MFHAS1: variants seen among roughly 807,000 people sequenced by gnomAD.
MFHAS1 encodes malignant fibrous histiocytoma-amplified sequence 1.
Under a neutral mutation model 70.4 loss-of-function variants are expected in MFHAS1, and 50 were observed. That is an observed-to-expected ratio of 0.71 (90% CI 0.57 to 0.90). The LOEUF is 0.90. Ranked by LOEUF, MFHAS1 falls within the 40% of genes least tolerant of loss-of-function variation. The probability of loss-of-function intolerance (pLI) is 0.00; values close to 1 mark genes in which losing one functional copy is unlikely to be tolerated. For missense variants in MFHAS1, 1,795 were observed against 1,347.6 expected, an observed-to-expected ratio of 1.33 and a Z score of -5.20; for synonymous variants, 952 against 620.0, an observed-to-expected ratio of 1.54 and a Z score of -7.96.
rs1159682356 is a variant in MFHAS1, at chr8:8,786,025, C to G, written c.3156G>C (p.Gln1052His). 3 of 1,614,156 alleles carry G rather than the reference C, an allele frequency of 1.9e-6. No individual in the cohort carries two copies. Among genetic ancestry groups the G allele is most frequent in the Admixed American group, 3.3e-5 (2 of 60,022 alleles). The change falls in exon 3 of 3, where the codon CAG (glutamine) becomes CAC (histidine). Residue 1052 changes from glutamine to histidine, a missense_variant. Gln to His is a conservative substitution (Grantham distance 24, BLOSUM62 0). Transcript: ENST00000276282. ...KKNVGEKHRNQ is the reference protein window; with the variant it reads ...KKNVGEKHRNH ...GGAAATTCCACAGCCACAAACGTCA[C>G]TGGTTTCTGTGCTTTTCACCAACAT...
rs2117232656 is a variant in MFHAS1 at position 8,783,382 on chromosome 8, T to C, written c.*2640A>G. On this transcript the variant is annotated 3_prime_UTR_variant, in exon 3 of 3. Coordinates refer to ENST00000276282, the MANE Select transcript of MFHAS1 (RefSeq NM_004225.3). Reference sequence around the variant, plus strand: ...AACCATTTCTTTGTATTTTTATTGATTTTTCTTTTTTAATTTCTGCCCAGT... The same window carrying C: ...AACCATTTCTTTGTATTTTTATTGACTTTTCTTTTTTAATTTCTGCCCAGT... 1 of 152,352 alleles carries C rather than the reference T, an allele frequency of 6.6e-6. No individual in the cohort carries two copies. Among genetic ancestry groups the C allele is most frequent in the East Asian group, 1.9e-4 (1 of 5,188 alleles). The allele number at this position is 152,352 out of a possible 1,614,324, so 9.4% of individuals were successfully genotyped here.
chr8:8,833,036 A>G (rs574199711), intron 1 of MFHAS1, among the ~76,000 whole-genome samples: 1 of 152,270 alleles, frequency 6.6e-6, no homozygotes, highest in Admixed American at 6.5e-5. Context: ...CTCATCACAG[A>G]GGGCAACGGG....
At chr8:8,833,220 C>T (rs1438379475) in intron 1 of MFHAS1, among the ~76,000 whole-genome samples, 1 of 152,176 alleles carries the variant, frequency 6.6e-6, no homozygotes, top group Admixed American at 6.5e-5. Flanking sequence ...CCACCAGGCC[C>T]CACCTTCAGC....
chr8:8,891,122 G>A lies in MFHAS1; in HGVS notation c.1937C>T (p.Ala646Val), dbSNP rs1585077643. ...GTTGGGGAAGATCTCTCGGTGCTCA[G>A]CAACTGACAGCAACTTGTCCCGAAG... Reference protein sequence around the residue: ...RRLRDKLLSVAEHREIFPNLH... With the variant: ...RRLRDKLLSVVEHREIFPNLH... The change falls in exon 1 of 3, where the codon GCT becomes GTT. Residue 646 changes from alanine (A) to valine (V), a missense_variant. Physicochemically the swap from Ala to Val is moderately conservative, Grantham distance 64. Coordinates refer to ENST00000276282, the MANE Select transcript of MFHAS1 (RefSeq NM_004225.3). This position sits in a 1 kb window ranked among gnomAD's most constrained non-coding sequence, Gnocchi z 5.4. 6.2e-7 allele frequency: 1 copy of A among 1,613,712 alleles called. No individual in the cohort carries two copies. The highest frequency in any genetic ancestry group is 1.7e-5 in the Admixed American group (1 of 60,008).
intron 1 of MFHAS1, among the ~76,000 whole-genome samples, chr8:8,850,495 A>C (rs1808202601): frequency 6.6e-6 from 1 of 152,210 alleles, no homozygotes; most frequent in African/African-American, 2.4e-5. Context: ...AGGAGATAGA[A>C]CCAGAGCCTC....
intron 1 of MFHAS1, among the ~76,000 whole-genome samples, chr8:8,854,822 C>A (rs1199628777): frequency 2.0e-5 from 3 of 152,192 alleles, no homozygotes; most frequent in African/African-American, 7.2e-5. Context: ...ATGAGACCCA[C>A]CCATAAGCAA....
At chr8:8,866,918 T>C (rs997005449) in intron 1 of MFHAS1, among the ~76,000 whole-genome samples, 5 of 152,154 alleles carry the variant, frequency 3.3e-5, no homozygotes, top group Non-Finnish European at 7.3e-5. Context: ...CTTTAGAGAA[T>C]GGGGAAATAC....
At chr8:8,830,543 T>C (rs1807347210) in intron 1 of MFHAS1, among the ~76,000 whole-genome samples, 1 of 152,186 alleles carries the variant, frequency 6.6e-6, no homozygotes, top group South Asian at 2.1e-4. Context: ...TTTCTAATTT[T>C]ACAGGAAAGG....
chr8:8,861,650 T>C lies in MFHAS1; in HGVS notation c.2998+28411A>G, dbSNP rs539453556. 9.8e-5 allele frequency among the ~76,000 whole-genome samples: 15 copies of C among 152,348 alleles called. 1 individual carries two copies. In the South Asian group the frequency reaches 2.9e-3, roughly 29 times the overall value. On this transcript the variant is annotated intron_variant, in intron 1 of 2. Coordinates refer to ENST00000276282, the MANE Select transcript of MFHAS1 (RefSeq NM_004225.3). ...AGAACTTGATGCATTTTGACAGATATAGTCTCGTAACCTCCACTACAGTCA... is the reference window on the plus strand; with the variant it reads ...AGAACTTGATGCATTTTGACAGATACAGTCTCGTAACCTCCACTACAGTCA...
intron 1 of MFHAS1, among the ~76,000 whole-genome samples, chr8:8,843,173 G>A (rs1045161652): frequency 2.6e-5 from 4 of 151,908 alleles, no homozygotes; most frequent in Non-Finnish European, 5.9e-5. Flanking sequence ...GGAGGCTGAG[G>A]CAGGAGAATG....
At chr8:8,841,348 G>A (rs1390632632) in intron 1 of MFHAS1, among the ~76,000 whole-genome samples, 5 of 152,054 alleles carry the variant, frequency 3.3e-5, no homozygotes, top group Non-Finnish European at 5.9e-5. Flanking sequence ...GGTGGCGCAC[G>A]CCTGTAATCC....
rs1333365250 is a variant in MFHAS1, at chr8:8,783,816, G to C, written c.*2206C>G. Reference sequence around the variant, plus strand: ...AATTTCTTGCATAGACAGCTGAAGAGTCCTGTAGAGCAGAGTGATTTTTGT... The same window carrying C: ...AATTTCTTGCATAGACAGCTGAAGACTCCTGTAGAGCAGAGTGATTTTTGT... On this transcript the variant is annotated 3_prime_UTR_variant, in exon 3 of 3. Coordinates refer to ENST00000276282, the MANE Select transcript of MFHAS1 (RefSeq NM_004225.3). The C allele has an allele frequency of 6.6e-6, 1 of 152,150 alleles. No homozygotes were observed. Among genetic ancestry groups the C allele is most frequent in the South Asian group, 2.1e-4 (1 of 4,818 alleles). 9.4% of individuals were successfully genotyped at this position (152,150 alleles called of 1,614,324 possible). A position where few individuals can be genotyped will look rare whatever the true frequency, so the allele number is the denominator to read the frequency against.
intron 1 of MFHAS1, among the ~76,000 whole-genome samples, chr8:8,831,743 G>C (rs1462669179): frequency 6.6e-6 from 1 of 151,930 alleles, no homozygotes; most frequent in Non-Finnish European, 1.5e-5. Flanking sequence ...TGAGTAGCTG[G>C]GATTACAGGC....
intron 2 of MFHAS1, among the ~76,000 whole-genome samples, chr8:8,797,002 C>A (rs559936598): frequency 1.1e-3 from 171 of 152,096 alleles, no homozygotes; most frequent in South Asian, 3.9e-3. Context: ...TCTCAAAAAA[C>A]AACAACAAAA....
At chr8:8,838,417 A>T (rs931232680) in intron 1 of MFHAS1, among the ~76,000 whole-genome samples, 1 of 152,200 alleles carries the variant, frequency 6.6e-6, no homozygotes, top group South Asian at 2.1e-4. Context: ...CATTAAAAAA[A>T]TTTTACGCTA....
At chr8:8,807,276 C>G (rs891914877) in intron 1 of MFHAS1, among the ~76,000 whole-genome samples, 1 of 152,074 alleles carries the variant, frequency 6.6e-6, no homozygotes, top group African/African-American at 2.4e-5. Flanking sequence ...AGAAAAAAAG[C>G]CTGACGAATG....
At position 8,869,215 on chromosome 8, in the gene MFHAS1, AG is replaced by A. The variant is rs1808975819; in HGVS notation, c.2998+20845del. On this transcript the variant is annotated intron_variant, in intron 1 of 2. Coordinates refer to ENST00000276282, the MANE Select transcript of MFHAS1 (RefSeq NM_004225.3). Reference sequence around the variant, plus strand: ...AATGAAAAATCAAAGCACAAACAAAAGCAATGCACAGAACAGGATAGCAAAA... The same window carrying A: ...AATGAAAAATCAAAGCACAAACAAAACAATGCACAGAACAGGATAGCAAAA... Among the ~76,000 whole-genome samples the A allele has an allele frequency of 3.3e-5, 5 of 152,296 alleles. No homozygotes were observed. In the South Asian group the frequency reaches 1.0e-3, roughly 32 times the overall value.
At chr8:8,887,649 A>G (rs907398755) in intron 1 of MFHAS1, among the ~76,000 whole-genome samples, 2 of 151,138 alleles carry the variant, frequency 1.3e-5, no homozygotes, top group Non-Finnish European at 2.9e-5. Flanking sequence ...AATCTATAAG[A>G]TAATTTTACA....
rs902619137 is a variant in MFHAS1 at position 8,813,939 on chromosome 8, C to CT, written c.2999-16449dup. 9.9e-3 allele frequency among the ~76,000 whole-genome samples: 1,375 copies of CT among 138,558 alleles called. 16 individuals carry two copies. Among genetic ancestry groups the CT allele is most frequent in the African/African-American group, 0.022 (818 of 38,032 alleles). The allele number at this position is 138,558 out of a possible 152,430, so 90.9% of individuals were successfully genotyped here. On this transcript the variant is annotated intron_variant, in intron 1 of 2. Transcript: ENST00000276282. ...ACACAGGTGTATACCACATTTTTAT[C>CT]TTTTTTTTTTTTTTTTTGAGACAGA...
Sources: gnomAD v4.1 joint callset for allele counts (sites outside exome capture counted in the v4.1 genomes callset) on GRCh38, gnomAD v4.1.1 for gene constraint, Gnocchi (gnomAD v3.1) non-coding constraint, MANE v1.5 for transcripts, NCBI Gene and HGNC (gene_info 2026-07-23, HGNC 2026-07-21) for gene names.